The following AGAP1 variants were observed in gnomAD, a reference collection of about 807,000 sequenced individuals.
AGAP1 encodes the protein ArfGAP with GTPase domain, ankyrin repeat and PH domain 1.
In AGAP1, 29 loss-of-function variants were observed where a neutral mutation model predicts 105.3. The observed-to-expected ratio is 0.28, with a 90% CI of 0.21 to 0.38. The LOEUF is 0.38. Among genes scored for constraint, AGAP1 ranks in the 10% least tolerant of loss-of-function variants. AGAP1 has a pLI of 1.00. For missense variants in AGAP1, 998 were observed against 1,165.1 expected, an observed-to-expected ratio of 0.86 and a Z score of 2.09; for synonymous variants, 509 against 485.9, an observed-to-expected ratio of 1.05 and a Z score of -0.63.
At chr2:235,576,437 G>A (rs530713362) in intron 1 of AGAP1, among the ~76,000 whole-genome samples, 115 of 152,280 alleles carry the variant, frequency 7.6e-4, no homozygotes, top group Non-Finnish European at 1.4e-3. Context: ...GAAGTTTGAC[G>A]AGTATGGTAT....
Position 236,128,942 on chromosome 2 carries a change from G to A in AGAP1, c.*4820G>A, listed in dbSNP as rs1184556380. The A allele has an allele frequency of 2.0e-5, 3 of 152,226 alleles. No individual in the cohort carries two copies. The highest frequency in any genetic ancestry group is 7.2e-5 in the African/African-American group (3 of 41,450). The allele number at this position is 152,226 out of a possible 1,614,324, so 9.4% of individuals were successfully genotyped here. A position where few individuals can be genotyped will look rare whatever the true frequency, so the allele number is the denominator to read the frequency against. ...CTTCAAGCAAACAAATTGAAAAGCA[G>A]TCAAGGAGGAGTTCAGATAGAAAAG... On this transcript the variant is annotated 3_prime_UTR_variant, in exon 18 of 18. Coordinates refer to ENST00000304032, the MANE Select transcript of AGAP1 (RefSeq NM_001037131.3). This position sits in a 1 kb window ranked among gnomAD's most constrained non-coding sequence, Gnocchi z 5.9.
rs1960956143 is a variant in AGAP1, at chr2:235,842,305, A to T, written c.1050+34974A>T. Among the ~76,000 whole-genome samples, 1 of 152,208 alleles carries T rather than the reference A, an allele frequency of 6.6e-6. No homozygotes were observed. Among genetic ancestry groups the T allele is most frequent in the South Asian group, 2.1e-4 (1 of 4,834 alleles). ...GACTGAAAGTTAACGTTTCCTTCAG[A>T]TATGAATGTAGGCAACGATCCACAG... On this transcript the variant is annotated intron_variant, in intron 9 of 17. Transcript: ENST00000304032. This position sits in a 1 kb window ranked among gnomAD's most constrained non-coding sequence, Gnocchi z 5.3.
At position 235,797,742 on chromosome 2, in the gene AGAP1, G is replaced by C; in HGVS notation, c.674-17G>C. 2.5e-6 allele frequency: 4 copies of C among 1,613,072 alleles called. No homozygotes were observed. Among genetic ancestry groups the C allele is most frequent in the Non-Finnish European group, 8.5e-7 (1 of 1,179,774 alleles). ...AATTGATTGACATGGATTTCTTTTT[G>C]TCTGTGTGTCCACCAGTTGCCCAGA... is the stretch of plus-strand genomic sequence containing the variant. On this transcript the variant is annotated splice_polypyrimidine_tract_variant and intron_variant, in intron 6 of 17. Coordinates refer to ENST00000304032, the MANE Select transcript of AGAP1 (RefSeq NM_001037131.3).
At chr2:236,047,428 C>T (rs1422199654) in intron 15 of AGAP1, among the ~76,000 whole-genome samples, 2 of 151,878 alleles carry the variant, frequency 1.3e-5, no homozygotes, top group Admixed American at 6.6e-5. Flanking sequence ...TGTGTCCCCG[C>T]TGCCCTCTTC....
chr2:235,727,178 C>A (rs1456745936), intron 3 of AGAP1, among the ~76,000 whole-genome samples: 2 of 152,134 alleles, frequency 1.3e-5, no homozygotes, highest in African/African-American at 4.8e-5. Flanking sequence ...TCTGTCCCTT[C>A]GGGTGGGGAG....
In AGAP1 at chr2:236,103,496, TTTTTC is replaced by T. The variant is rs200555476; in HGVS notation, c.2115-16676_2115-16672del. ...GGGCCCCTTGTTTGTTTGTCTTTCT[TTTTTC>T]TTTTCTTTTCTTTTCTTTTTTTTCT... On this transcript the variant is annotated intron_variant, in intron 16 of 17. Coordinates refer to ENST00000304032, the MANE Select transcript of AGAP1 (RefSeq NM_001037131.3). Among the ~76,000 whole-genome samples, 1,396 of 151,866 alleles carry T rather than the reference TTTTTC, an allele frequency of 9.2e-3. 14 individuals are homozygous for T. Among genetic ancestry groups the T allele is most frequent in the African/African-American group, 0.026 (1,083 of 41,410 alleles).
chr2:236,060,835 G>A (rs1324219648), intron 16 of AGAP1, among the ~76,000 whole-genome samples: 1 of 152,238 alleles, frequency 6.6e-6, no homozygotes, highest in African/African-American at 2.4e-5. Flanking sequence ...GCTGAGGCAG[G>A]AGGATCACTT....
Position 235,744,211 on chromosome 2 carries a change from G to A in AGAP1, c.397-487G>A, listed in dbSNP as rs968113580. 2.0e-5 allele frequency among the ~76,000 whole-genome samples: 3 copies of A among 152,202 alleles called. No homozygotes were observed. The highest frequency in any genetic ancestry group is 2.4e-5 in the African/African-American group (1 of 41,446). Reference sequence around the variant, plus strand: ...TACCCTTCAACAGAGTAGGCCAGCCGCTGCGGTAGCGAGTGGGAAGGACTG... The same window carrying A: ...TACCCTTCAACAGAGTAGGCCAGCCACTGCGGTAGCGAGTGGGAAGGACTG... On this transcript the variant is annotated intron_variant, in intron 4 of 17. Transcript: ENST00000304032. This position sits in a 1 kb window ranked among gnomAD's most constrained non-coding sequence, Gnocchi z 5.2.
chr2:235,999,401 A>AGGT (rs751102461), intron 13 of AGAP1, among the ~76,000 whole-genome samples: 1 of 130,754 alleles, frequency 7.6e-6, no homozygotes, highest in African/African-American at 3.0e-5. Context: ...TGATGGTGAG[A>AGGT]GGTGGTGGTG....
At chr2:236,102,657 T>C (rs2059385958) in intron 16 of AGAP1, among the ~76,000 whole-genome samples, 1 of 151,532 alleles carries the variant, frequency 6.6e-6, no homozygotes, top group African/African-American at 2.4e-5. Flanking sequence ...CTGTGTTAAA[T>C]GCCGAGTGGG....
At chr2:235,544,498 GA>G (rs1943560069) in intron 1 of AGAP1, among the ~76,000 whole-genome samples, 1 of 152,210 alleles carries the variant, frequency 6.6e-6, no homozygotes, top group African/African-American at 2.4e-5. Flanking sequence ...TGGCTGGAAG[GA>G]GGCTTCCATC....
In AGAP1 at chr2:235,951,322, A is replaced by T. The variant is rs1466311418; in HGVS notation, c.1484-17140A>T. 6.6e-6 allele frequency among the ~76,000 whole-genome samples: 1 copy of T among 152,190 alleles called. No individual in the cohort carries two copies. The highest frequency in any genetic ancestry group is 2.4e-5 in the African/African-American group (1 of 41,434). On this transcript the variant is annotated intron_variant, in intron 12 of 17. Transcript: ENST00000304032. This position sits in a 1 kb window ranked among gnomAD's most constrained non-coding sequence, Gnocchi z 4.2. Reference sequence around the variant, plus strand: ...TCGATGTCCACAGCACATTCAAATTATCTTTCATGTTACAAACTTTTCCAG... The same window carrying T: ...TCGATGTCCACAGCACATTCAAATTTTCTTTCATGTTACAAACTTTTCCAG...
rs1197316318 is a variant in AGAP1, at chr2:235,961,264, G to C, written c.1484-7198G>C. Among the ~76,000 whole-genome samples, 1 of 152,218 alleles carries C rather than the reference G, an allele frequency of 6.6e-6. No individual in the cohort carries two copies. The highest frequency in any genetic ancestry group is 1.5e-5 in the Non-Finnish European group (1 of 68,034). On this transcript the variant is annotated intron_variant, in intron 12 of 17. Transcript: ENST00000304032. The surrounding 1 kb of genome is among the most constrained non-coding windows in gnomAD (Gnocchi z 5.9). ...GCCAGCTTGGGGAAGGCCTCTCTTG[G>C]GGCTTCCTCCTTTGGCTCCTGGAGT...
chr2:235,954,368 G>A (rs1300380203), intron 12 of AGAP1, among the ~76,000 whole-genome samples: 1 of 152,010 alleles, frequency 6.6e-6, no homozygotes, highest in Non-Finnish European at 1.5e-5. Flanking sequence ...GCTGCCTCCT[G>A]TGCCACTGAA....
chr2:235,587,260 G>C (rs1250674957), intron 1 of AGAP1, among the ~76,000 whole-genome samples: 3 of 152,178 alleles, frequency 2.0e-5, no homozygotes, highest in Non-Finnish European at 4.4e-5. Flanking sequence ...GAGGACGGAG[G>C]AGTCCTGTCT....
At position 235,517,718 on chromosome 2, in the gene AGAP1, C is replaced by T. The variant is rs1942447137; in HGVS notation, c.163+22869C>T. Among the ~76,000 whole-genome samples the T allele has an allele frequency of 6.6e-6, 1 of 152,126 alleles. No individual in the cohort carries two copies. The highest frequency in any genetic ancestry group is 2.4e-5 in the African/African-American group (1 of 41,434). On this transcript the variant is annotated intron_variant, in intron 1 of 17. Coordinates refer to ENST00000304032, the MANE Select transcript of AGAP1 (RefSeq NM_001037131.3). The surrounding 1 kb of genome is among the most constrained non-coding windows in gnomAD (Gnocchi z 4.1). ...CTGGGAGGCCGAGGCAGACAGATCA[C>T]TTGAGGTCAGGAGTTCGAGACCAGC...
In AGAP1 at chr2:235,766,524, C is replaced by G. The variant is rs1227601120; in HGVS notation, c.673+16036C>G. On this transcript the variant is annotated intron_variant, in intron 6 of 17. Transcript: ENST00000304032. ...CCATTTAGACCTGTAATAAGATACA[C>G]TCCGTAAAGCGTGTGAAGTTACTGG... Among the ~76,000 whole-genome samples the G allele has an allele frequency of 2.0e-5, 3 of 152,160 alleles. No homozygotes were observed. In the East Asian group the frequency reaches 5.8e-4, roughly 29 times the overall value.
chr2:235,920,982 T>C (rs2052156797), intron 11 of AGAP1, among the ~76,000 whole-genome samples: 1 of 152,232 alleles, frequency 6.6e-6, no homozygotes, highest in South Asian at 2.1e-4. Context: ...AATTATGGAC[T>C]AAATTGCTTT....
intron 11 of AGAP1, among the ~76,000 whole-genome samples, chr2:235,914,999 A>G (rs2051802507): frequency 6.6e-6 from 1 of 152,198 alleles, no homozygotes; most frequent in Non-Finnish European, 1.5e-5. Context: ...AAGAAGAGAA[A>G]GAAATGGAGA....
Sources: gnomAD v4.1 joint callset for allele counts (sites outside exome capture counted in the v4.1 genomes callset) on GRCh38, gnomAD v4.1.1 for gene constraint, Gnocchi (gnomAD v3.1) non-coding constraint, MANE v1.5 for transcripts, NCBI Gene and HGNC (gene_info 2026-07-23, HGNC 2026-07-21) for gene names.